The following STK39 variants were observed in gnomAD, a reference collection of about 807,000 sequenced individuals.
STK39 encodes the protein serine/threonine kinase 39.
Under a neutral mutation model 77.8 loss-of-function variants are expected in STK39, and 20 were observed. The observed-to-expected ratio is 0.26, with a 90% CI of 0.18 to 0.37. The LOEUF (loss-of-function observed/expected upper bound fraction) is 0.37, where lower values mean the gene tolerates loss of function less well. Ranked by LOEUF, STK39 falls within the 10% of genes least tolerant of loss-of-function variation. STK39 has a pLI of 1.00. For missense variants in STK39, 479 were observed against 656.5 expected, an observed-to-expected ratio of 0.73 and a Z score of 2.95; for synonymous variants, 246 against 234.1, an observed-to-expected ratio of 1.05 and a Z score of -0.47.
Position 168,119,638 on chromosome 2 carries a change from C to T in STK39, c.1089+9903G>A, listed in dbSNP as rs188094216. Among the ~76,000 whole-genome samples, 11 of 152,244 alleles carry T rather than the reference C, an allele frequency of 7.2e-5. 1 individual carries two copies. The highest frequency in any genetic ancestry group is 2.6e-4 in the African/African-American group (11 of 41,552). ...CCCTCAACTCCAAGTCTGAGGCCTT[C>T]GACAAAGCCAAAACTTTTGCTCAGT... On this transcript the variant is annotated intron_variant, in intron 10 of 17. Coordinates refer to ENST00000355999, the MANE Select transcript of STK39 (RefSeq NM_013233.3).
chr2:168,168,674 G>A lies in STK39; in HGVS notation c.322-1267C>T, dbSNP rs1297015357. On this transcript the variant is annotated intron_variant, in intron 2 of 17. Transcript: ENST00000355999. Reference sequence around the variant, plus strand: ...ATTCTGTAATATGTAACACTCATACGTTCCTTAACATATATGTTTATTTAA... The same window carrying A: ...ATTCTGTAATATGTAACACTCATACATTCCTTAACATATATGTTTATTTAA... Among the ~76,000 whole-genome samples, 5 of 151,524 alleles carry A rather than the reference G, an allele frequency of 3.3e-5. No individual in the cohort carries two copies. The South Asian group carries it at 6.2e-4, about 19-fold the overall frequency.
chr2:168,060,130 C>G (rs1444331347), intron 14 of STK39, among the ~76,000 whole-genome samples: 1 of 152,074 alleles, frequency 6.6e-6, no homozygotes, highest in African/African-American at 2.4e-5. Flanking sequence ...GGACATCCCC[C>G]CCCTTTCCAC....
At chr2:168,128,513 C>G (rs2105505022) in intron 10 of STK39, among the ~76,000 whole-genome samples, 1 of 152,302 alleles carries the variant, frequency 6.6e-6, no homozygotes, top group East Asian at 1.9e-4. Context: ...TCCTCCCCAG[C>G]CACAGCGCAG....
At position 168,168,673 on chromosome 2, in the gene STK39, C is replaced by CTAT. The variant is rs765639415; in HGVS notation, c.322-1267_322-1266insATA. 2.1e-3 allele frequency among the ~76,000 whole-genome samples: 315 copies of CTAT among 152,300 alleles called. 2 individuals carry two copies. Among genetic ancestry groups the CTAT allele is most frequent in the African/African-American group, 7.3e-3 (302 of 41,564 alleles). On this transcript the variant is annotated intron_variant, in intron 2 of 17. Coordinates refer to ENST00000355999, the MANE Select transcript of STK39 (RefSeq NM_013233.3). Reference sequence around the variant, plus strand: ...AATTCTGTAATATGTAACACTCATACGTTCCTTAACATATATGTTTATTTA... The same window carrying CTAT: ...AATTCTGTAATATGTAACACTCATACTATGTTCCTTAACATATATGTTTATTTA...
chr2:168,039,684 G>T (rs1685054118), intron 14 of STK39, among the ~76,000 whole-genome samples: 1 of 151,964 alleles, frequency 6.6e-6, no homozygotes, highest in Non-Finnish European at 1.5e-5. Context: ...AGGGACACAA[G>T]GAAACTTCTC....
At chr2:168,021,788 A>T (rs2044679) in intron 14 of STK39, among the ~76,000 whole-genome samples, 94,934 of 150,032 alleles carry the variant, frequency 0.63, 31,382 homozygotes, top group Non-Finnish European at 0.73. Flanking sequence ...AAGGACATTT[A>T]TTTTTTTTTT....
At chr2:168,150,419 C>T (rs1688249355) in intron 5 of STK39, among the ~76,000 whole-genome samples, 3 of 152,134 alleles carry the variant, frequency 2.0e-5, no homozygotes, top group South Asian at 2.1e-4. Flanking sequence ...ATACATGGCA[C>T]ACCTCTTTGG....
Position 168,222,055 on chromosome 2 carries a change from A to G in STK39, c.208+25173T>C, listed in dbSNP as rs556008678. 2.1e-4 allele frequency among the ~76,000 whole-genome samples: 32 copies of G among 152,266 alleles called. No homozygotes were observed. The Middle Eastern group carries it at 0.01, about 49-fold the overall frequency. On this transcript the variant is annotated intron_variant, in intron 1 of 17. Coordinates refer to ENST00000355999, the MANE Select transcript of STK39 (RefSeq NM_013233.3). ...CAGCCAGGAGATGACAGGCATGTTTATAGAGTAGTGTATTTGCATCTTTTT... is the reference window on the plus strand; with the variant it reads ...CAGCCAGGAGATGACAGGCATGTTTGTAGAGTAGTGTATTTGCATCTTTTT...
At chr2:167,981,078 T>C (rs758402411) in intron 16 of STK39, among the ~76,000 whole-genome samples, 155 of 152,212 alleles carry the variant, frequency 1.0e-3, no homozygotes, top group Admixed American at 4.9e-3. Context: ...ACTTGAAATC[T>C]AATCCTGTTT....
At chr2:167,994,305 A>G (rs955045038) in intron 16 of STK39, among the ~76,000 whole-genome samples, 1 of 152,228 alleles carries the variant, frequency 6.6e-6, no homozygotes, top group Non-Finnish European at 1.5e-5. Flanking sequence ...AGTATACAGA[A>G]AATAATACTC....
intron 10 of STK39, among the ~76,000 whole-genome samples, chr2:168,090,300 T>C (rs879806195): frequency 1.3e-5 from 2 of 152,052 alleles, no homozygotes; most frequent in Non-Finnish European, 2.9e-5. Context: ...GTTGAATGAA[T>C]GAATGAATGA....
intron 10 of STK39, among the ~76,000 whole-genome samples, chr2:168,094,447 C>A (rs945442875): frequency 1.3e-5 from 2 of 151,586 alleles, no homozygotes; most frequent in Non-Finnish European, 3.0e-5. Context: ...TGTCTTCCTG[C>A]CCTTTACAAC....
intron 8 of STK39, among the ~76,000 whole-genome samples, chr2:168,134,740 C>CA (rs1415455624): frequency 1.3e-5 from 2 of 151,956 alleles, no homozygotes; most frequent in Non-Finnish European, 2.9e-5. Context: ...TCATCGTTGA[C>CA]AAAAAAACAC....
At chr2:168,149,244 C>T (rs781108816) in intron 5 of STK39, among the ~76,000 whole-genome samples, 1 of 152,304 alleles carries the variant, frequency 6.6e-6, no homozygotes, top group Middle Eastern at 3.4e-3. Context: ...AATAAAATAA[C>T]CATCCTACAG....
Position 168,247,265 on chromosome 2 carries a change from G to T in STK39, c.171C>A (p.Pro57=), listed in dbSNP as rs1690946296. 2.7e-6 allele frequency: 3 copies of T among 1,108,300 alleles called. No individual in the cohort carries two copies. Among genetic ancestry groups the T allele is most frequent in the Non-Finnish European group, 3.3e-6 (3 of 910,368 alleles). 68.7% of individuals were successfully genotyped at this position (1,108,300 alleles called of 1,614,324 possible). A position where few individuals can be genotyped will look rare whatever the true frequency, so the allele number is the denominator to read the frequency against. Residue 57 remains proline (P), a synonymous_variant, in exon 1 of 18, where the codon CCC becomes CCA. Transcript: ENST00000355999. ...GCAGCTCGTACGCGTCCCTGCAGAT[G>T]GGCCAGCCGACAGCCTGTGCCGCCG... ...PAPAAQAVGW[P]ICRDAYELQE...
chr2:168,000,149 A>G (rs887633747), intron 16 of STK39, among the ~76,000 whole-genome samples: 4 of 152,244 alleles, frequency 2.6e-5, no homozygotes, highest in East Asian at 3.8e-4. Flanking sequence ...GGTGAATTGC[A>G]TGGATATTTC....
chr2:167,962,831 G>C (rs1196972977), intron 17 of STK39, among the ~76,000 whole-genome samples: 1 of 152,168 alleles, frequency 6.6e-6, no homozygotes, highest in East Asian at 1.9e-4. Flanking sequence ...GCTAGACCAG[G>C]GGGGAGTCTG....
intron 16 of STK39, among the ~76,000 whole-genome samples, chr2:167,977,878 T>C (rs1683321808): frequency 6.6e-6 from 1 of 152,214 alleles, no homozygotes; most frequent in Non-Finnish European, 1.5e-5. Flanking sequence ...GGGAGTTTTA[T>C]TACTACTCAA....
At chr2:168,045,043 G>A (rs543698811) in intron 14 of STK39, among the ~76,000 whole-genome samples, 2 of 151,424 alleles carry the variant, frequency 1.3e-5, no homozygotes, top group African/African-American at 2.4e-5. Flanking sequence ...AAAGGCACAA[G>A]TCAAAAAAAC....
Sources: allele counts gnomAD v4.1 joint callset (sites outside exome capture counted in the v4.1 genomes callset), GRCh38; gene constraint gnomAD v4.1.1; transcripts MANE v1.5; gene names NCBI Gene and HGNC (gene_info 2026-07-23, HGNC 2026-07-21).